Variants in GNAO1 observed in about 807,000 individuals in gnomAD.
GNAO1 encodes the protein guanine nucleotide-binding protein G(o) subunit alpha.
For synonymous variants in GNAO1, 164 were observed against 180.7 expected, an observed-to-expected ratio of 0.91 and a Z score of 0.74; for missense variants, 166 against 478.7, an observed-to-expected ratio of 0.35 and a Z score of 6.10.
intron 3 of GNAO1, among the ~76,000 whole-genome samples, chr16:56,293,257 A>G (rs535835260): frequency 5.9e-5 from 9 of 152,368 alleles, no homozygotes; most frequent in African/African-American, 1.9e-4. Flanking sequence ...ACTGCTGCCA[A>G]CTGGAAGCAG....
intron 2 of GNAO1, among the ~76,000 whole-genome samples, chr16:56,237,435 C>A (rs560967192): frequency 7.9e-5 from 12 of 152,190 alleles, no homozygotes; most frequent in Admixed American, 2.6e-4. Flanking sequence ...CACAGGATGC[C>A]TGTATCTGAA....
At chr16:56,314,755 A>C (rs1326531404) in intron 3 of GNAO1, among the ~76,000 whole-genome samples, 2 of 152,126 alleles carry the variant, frequency 1.3e-5, no homozygotes, top group African/African-American at 4.8e-5. Context: ...AAGGCAAGTG[A>C]CATCTTAGTT....
intron 2 of GNAO1, among the ~76,000 whole-genome samples, chr16:56,246,015 AGCTGAGATCTCT>A (rs1261086479): frequency 6.6e-6 from 1 of 152,164 alleles, no homozygotes; most frequent in Admixed American, 6.5e-5. Flanking sequence ...GCTTCCTCCC[AGCTGAGATCTCT>A]GCAGGGCCCC....
intron 2 of GNAO1, among the ~76,000 whole-genome samples, chr16:56,202,787 A>T (rs1246639198): frequency 6.6e-6 from 1 of 152,234 alleles, no homozygotes; most frequent in East Asian, 1.9e-4. Flanking sequence ...ACCAAAGACC[A>T]ATAACATTTA....
At chr16:56,243,280 A>G (rs12933190) in intron 2 of GNAO1, among the ~76,000 whole-genome samples, 55,106 of 151,878 alleles carry the variant, frequency 0.36, 11,210 homozygotes, top group African/African-American at 0.54. Context: ...TCCATCCCCC[A>G]CAACCCCAGT....
chr16:56,327,822 G>A (rs561865031), intron 3 of GNAO1, among the ~76,000 whole-genome samples: 1 of 152,326 alleles, frequency 6.6e-6, no homozygotes, highest in South Asian at 2.1e-4. Flanking sequence ...AGGCAGAGGA[G>A]GAGAGTGCTC....
intron 6 of GNAO1, chr16:56,340,791 C>G (rs1454730787): frequency 4.4e-6 from 7 of 1,596,078 alleles, no homozygotes; most frequent in South Asian, 1.1e-5. Flanking sequence ...GGTCAGGGCC[C>G]TGGATGCTGC....
chr16:56,273,094 T>G (rs2037032810), intron 2 of GNAO1, among the ~76,000 whole-genome samples: 1 of 152,248 alleles, frequency 6.6e-6, no homozygotes, highest in Admixed American at 6.5e-5. Flanking sequence ...AATATTATAT[T>G]AATACTACTT....
At position 56,262,673 on chromosome 16, in the gene GNAO1, A is replaced by G. The variant is rs142935364; in HGVS notation, c.162-13258A>G. Among the ~76,000 whole-genome samples the G allele has an allele frequency of 5.9e-5, 9 of 152,346 alleles. No individual in the cohort carries two copies. In the East Asian group the frequency reaches 1.7e-3, roughly 29 times the overall value. ...AATGTACAGTATTGTTTATATACTAAACATAATGTACTAATAGGAATACCT... is the reference window on the plus strand; with the variant it reads ...AATGTACAGTATTGTTTATATACTAGACATAATGTACTAATAGGAATACCT... On this transcript the variant is annotated intron_variant, in intron 2 of 8. Coordinates refer to ENST00000262493, the MANE Select transcript of GNAO1 (RefSeq NM_020988.3).
At chr16:56,248,354 A>C (rs2143448333) in intron 2 of GNAO1, among the ~76,000 whole-genome samples, 1 of 152,298 alleles carries the variant, frequency 6.6e-6, no homozygotes, top group East Asian at 1.9e-4. Context: ...ATCAAATCTA[A>C]CAGGCAAACT....
intron 2 of GNAO1, among the ~76,000 whole-genome samples, chr16:56,231,306 A>T (rs2036586803): frequency 6.6e-6 from 1 of 152,338 alleles, no homozygotes; most frequent in African/African-American, 2.4e-5. Flanking sequence ...AACTCCATTC[A>T]GGTCTCTGCC....
At chr16:56,313,430 G>A (rs1207835700) in intron 3 of GNAO1, among the ~76,000 whole-genome samples, 1 of 151,964 alleles carries the variant, frequency 6.6e-6, no homozygotes, top group Non-Finnish European at 1.5e-5. Context: ...AATTTTTATG[G>A]AAAAGTACTG....
intron 2 of GNAO1, among the ~76,000 whole-genome samples, chr16:56,198,500 G>A (rs1245857497): frequency 4.6e-5 from 7 of 152,198 alleles, no homozygotes; most frequent in African/African-American, 1.7e-4. Flanking sequence ...TAAGAGCATA[G>A]ACTCTGCAAA....
Position 56,191,787 on chromosome 16 carries a change from C to A in GNAO1, c.-449C>A. Reference sequence around the variant, plus strand: ...CCGCCTCCTCCACCTCCTCCTCCGCCGCCGCCGCCTCCTCCTCCTCCGGCA... The same window carrying A: ...CCGCCTCCTCCACCTCCTCCTCCGCAGCCGCCGCCTCCTCCTCCTCCGGCA... On this transcript the variant is annotated 5_prime_UTR_variant, in exon 1 of 9. Transcript: ENST00000262493. The surrounding 1 kb of genome is among the most constrained non-coding windows in gnomAD (Gnocchi z 4.7). 1 of 223,062 alleles carries A rather than the reference C, an allele frequency of 4.5e-6. No individual in the cohort carries two copies. Among genetic ancestry groups the A allele is most frequent in the Non-Finnish European group, 8.7e-6 (1 of 114,460 alleles). The allele number at this position is 223,062 out of a possible 1,614,324, so 13.8% of individuals were successfully genotyped here.
chr16:56,247,284 C>A (rs1567453751), intron 2 of GNAO1, among the ~76,000 whole-genome samples: 1 of 152,176 alleles, frequency 6.6e-6, no homozygotes, highest in Non-Finnish European at 1.5e-5. Flanking sequence ...TGGAATAACC[C>A]CACCCACATG....
intron 2 of GNAO1, among the ~76,000 whole-genome samples, chr16:56,265,311 G>C (rs2036941210): frequency 6.6e-6 from 1 of 152,242 alleles, no homozygotes. Context: ...ATGCTGGATG[G>C]AGCCTGGTGC....
At position 56,354,648 on chromosome 16, in the gene GNAO1, C is replaced by T. The variant is rs2037952046; in HGVS notation, c.878-218C>T. Among the ~76,000 whole-genome samples the T allele has an allele frequency of 6.6e-6, 1 of 152,222 alleles. No individual in the cohort carries two copies. The highest frequency in any genetic ancestry group is 2.1e-4 in the South Asian group (1 of 4,828). ...CTGAGATCGTGCCATTGCACTCCAGCCTGGGCAATAAGAGCAAAACTCTGT... is the reference window on the plus strand; with the variant it reads ...CTGAGATCGTGCCATTGCACTCCAGTCTGGGCAATAAGAGCAAAACTCTGT... On this transcript the variant is annotated intron_variant, in intron 7 of 8. Transcript: ENST00000262493. The surrounding 1 kb of genome is among the most constrained non-coding windows in gnomAD (Gnocchi z 4.3).
intron 3 of GNAO1, among the ~76,000 whole-genome samples, chr16:56,278,025 G>C (rs2037079714): frequency 1.3e-5 from 2 of 152,114 alleles, no homozygotes; most frequent in Admixed American, 6.5e-5. Context: ...CCTGAATGGA[G>C]AGATGATTGC....
chr16:56,222,157 C>T (rs2036495757), intron 2 of GNAO1, among the ~76,000 whole-genome samples: 1 of 152,026 alleles, frequency 6.6e-6, no homozygotes, highest in African/African-American at 2.4e-5. Flanking sequence ...AGTGGCATGC[C>T]CCTGAGAGTC....
Sources: gnomAD v4.1 joint callset for allele counts (sites outside exome capture counted in the v4.1 genomes callset) on GRCh38, gnomAD v4.1.1 for gene constraint, Gnocchi (gnomAD v3.1) non-coding constraint, MANE v1.5 for transcripts, NCBI Gene and HGNC (gene_info 2026-07-23, HGNC 2026-07-21) for gene names.